CNTNAP5: variants seen among roughly 807,000 people sequenced by gnomAD.
CNTNAP5 encodes contactin associated protein family member 5.
Under a neutral mutation model 150.2 loss-of-function variants are expected in CNTNAP5, and 72 were observed. That is an observed-to-expected ratio of 0.48 (90% CI 0.40 to 0.58). CNTNAP5 has a LOEUF of 0.58. Ranked by LOEUF, CNTNAP5 falls within the 20% of genes least tolerant of loss-of-function variation. The pLI, the probability that CNTNAP5 is intolerant of heterozygous loss-of-function variation, is 0.00. For missense variants in CNTNAP5, 1,636 were observed against 1,626.2 expected, an observed-to-expected ratio of 1.01 and a Z score of -0.10; for synonymous variants, 672 against 619.8, an observed-to-expected ratio of 1.08 and a Z score of -1.25.
chr2:124,184,020 A>C (rs1227006801), intron 1 of CNTNAP5, among the ~76,000 whole-genome samples: 1 of 152,222 alleles, frequency 6.6e-6, no homozygotes, highest in East Asian at 1.9e-4. Flanking sequence ...AGGCCAAGAC[A>C]TTTAGAGGAT....
chr2:124,504,959 G>T (rs912859000), intron 8 of CNTNAP5, among the ~76,000 whole-genome samples: 55 of 152,104 alleles, frequency 3.6e-4, no homozygotes, highest in African/African-American at 1.1e-3. Context: ...GCCCGCCTTG[G>T]GCTCTCACAG....
chr2:124,900,064 C>A (rs1172328569), intron 21 of CNTNAP5, among the ~76,000 whole-genome samples: 1 of 151,238 alleles, frequency 6.6e-6, no homozygotes, highest in East Asian at 1.9e-4. Context: ...AATCTCAACC[C>A]TGCTACGTGA....
intron 19 of CNTNAP5, among the ~76,000 whole-genome samples, chr2:124,864,952 A>C (rs1458311758): frequency 6.6e-6 from 1 of 152,168 alleles, no homozygotes; most frequent in East Asian, 1.9e-4. Context: ...AGAGAGTTAT[A>C]GGAAGTGGTA....
At chr2:124,813,313 G>A (rs1209340069) in intron 19 of CNTNAP5, among the ~76,000 whole-genome samples, 2 of 151,660 alleles carry the variant, frequency 1.3e-5, no homozygotes, top group Non-Finnish European at 2.9e-5. Flanking sequence ...TCCTGACCTC[G>A]TGATCCACCC....
chr2:124,547,964 C>T (rs1039415413), intron 10 of CNTNAP5, among the ~76,000 whole-genome samples: 2 of 152,156 alleles, frequency 1.3e-5, no homozygotes, highest in African/African-American at 4.8e-5. Context: ...CTTGCATCTT[C>T]GAGCCCATGT....
chr2:124,729,313 A>T (rs1680222546), intron 13 of CNTNAP5, among the ~76,000 whole-genome samples: 1 of 152,100 alleles, frequency 6.6e-6, no homozygotes, highest in Non-Finnish European at 1.5e-5. Context: ...ACTTGTAATA[A>T]TGTCTAATTT....
At chr2:124,258,682 A>G (rs1387827387) in intron 3 of CNTNAP5, among the ~76,000 whole-genome samples, 1 of 152,144 alleles carries the variant, frequency 6.6e-6, no homozygotes, top group Non-Finnish European at 1.5e-5. Flanking sequence ...TGACTGTGCT[A>G]TCCTGTGCCT....
In CNTNAP5 at chr2:124,354,178, A is replaced by G. The variant is rs200625067; in HGVS notation, c.382-63265A>G. Among the ~76,000 whole-genome samples, 41 of 152,284 alleles carry G rather than the reference A, an allele frequency of 2.7e-4. No homozygotes were observed. In the East Asian group the frequency reaches 7.1e-3, roughly 27 times the overall value. ...AAATGAATGAAAAGACATTAAAATG[A>G]CCAGGTAAAAATTATTGTCTGCTTT... On this transcript the variant is annotated intron_variant, in intron 3 of 23. Coordinates refer to ENST00000682447, the MANE Select transcript of CNTNAP5 (RefSeq NM_001367498.1).
chr2:124,060,037 G>A (rs1018009362), intron 1 of CNTNAP5, among the ~76,000 whole-genome samples: 6 of 152,178 alleles, frequency 3.9e-5, no homozygotes, highest in African/African-American at 7.2e-5. Context: ...TTTGTAAGAT[G>A]TTTTCTCTAG....
At position 124,303,408 on chromosome 2, in the gene CNTNAP5, A is replaced by C. The variant is rs548343297; in HGVS notation, c.381+61015A>C. Reference sequence around the variant, plus strand: ...ACTTGTGCAAATGTATATAACAGACAGAGAAGCAGCAGCCTGTCCATGTCA... The same window carrying C: ...ACTTGTGCAAATGTATATAACAGACCGAGAAGCAGCAGCCTGTCCATGTCA... On this transcript the variant is annotated intron_variant, in intron 3 of 23. Transcript: ENST00000682447. 3.9e-5 allele frequency among the ~76,000 whole-genome samples: 6 copies of C among 152,334 alleles called. No individual in the cohort carries two copies. In the East Asian group the frequency reaches 1.2e-3, roughly 29 times the overall value.
chr2:124,693,453 T>C (rs1309788443), intron 13 of CNTNAP5, among the ~76,000 whole-genome samples: 1 of 152,074 alleles, frequency 6.6e-6, no homozygotes, highest in Non-Finnish European at 1.5e-5. Flanking sequence ...CATAGAAACC[T>C]CTTTAGTATG....
chr2:124,139,009 C>T (rs1164058641), intron 1 of CNTNAP5, among the ~76,000 whole-genome samples: 1 of 151,752 alleles, frequency 6.6e-6, no homozygotes, highest in Non-Finnish European at 1.5e-5. Flanking sequence ...TATATTGAGT[C>T]CTGAGTCTAC....
chr2:124,571,354 T>C (rs762902334), intron 11 of CNTNAP5, among the ~76,000 whole-genome samples: 2 of 151,806 alleles, frequency 1.3e-5, no homozygotes, highest in Non-Finnish European at 2.9e-5. Context: ...AAGTAAAATA[T>C]TTTAAGAGAC....
chr2:124,159,422 T>C (rs1168442622), intron 1 of CNTNAP5, among the ~76,000 whole-genome samples: 1 of 152,194 alleles, frequency 6.6e-6, no homozygotes, highest in Non-Finnish European at 1.5e-5. Flanking sequence ...AATGAGAGTG[T>C]GGCTGTGTTC....
At chr2:124,474,973 T>C in intron 7 of CNTNAP5, 91 bp downstream of exon 7, 1 of 1,091,754 alleles carries the variant, frequency 9.2e-7, no homozygotes, top group Non-Finnish European at 1.3e-6. Flanking sequence ...CCATTCGTAA[T>C]GTGTTTATCT....
At chr2:124,905,080 C>CA (rs1159586569) in intron 22 of CNTNAP5, among the ~76,000 whole-genome samples, 3 of 135,282 alleles carry the variant, frequency 2.2e-5, no homozygotes, top group East Asian at 2.2e-4. Flanking sequence ...AAAAACACTT[C>CA]AAAAAATAGG....
chr2:124,411,888 G>T (rs1471064806), intron 3 of CNTNAP5, among the ~76,000 whole-genome samples: 1 of 59,190 alleles, frequency 1.7e-5, no homozygotes, highest in Non-Finnish European at 3.5e-5. Flanking sequence ...GGGCAATTAG[G>T]CAGGAGAAGG....
rs1677336805 is a variant in CNTNAP5 at position 124,855,097 on chromosome 2, G to A, written c.3218-10209G>A. On this transcript the variant is annotated intron_variant, in intron 19 of 23. Transcript: ENST00000682447. The stretch of plus-strand genomic sequence containing the variant: ...ATACATAATAAAGTTGGAAAGGTAA[G>A]AAAGGACATTGAATGTCATGGTAAG... Among the ~76,000 whole-genome samples, 7 of 146,848 alleles carry A rather than the reference G, an allele frequency of 4.8e-5. No individual in the cohort carries two copies. The Admixed American group carries it at 4.8e-4, about 10-fold the overall frequency.
intron 8 of CNTNAP5, among the ~76,000 whole-genome samples, chr2:124,514,213 A>G (rs1438900782): frequency 1.3e-5 from 2 of 152,200 alleles, no homozygotes; most frequent in Non-Finnish European, 2.9e-5. Context: ...GAGAAATGCA[A>G]TTGCCTGAAC....
Sources: allele counts gnomAD v4.1 joint callset (sites outside exome capture counted in the v4.1 genomes callset), GRCh38; gene constraint gnomAD v4.1.1; transcripts MANE v1.5; gene names NCBI Gene and HGNC (gene_info 2026-07-23, HGNC 2026-07-21).